SUMF1: variants seen among roughly 807,000 people sequenced by gnomAD.
The protein encoded by SUMF1 is sulfatase modifying factor 1, also known as formylglycine-generating enzyme.
A neutral mutation model predicts 47.6 loss-of-function variants in SUMF1; 48 were observed. The observed-to-expected ratio is 1.01, with a 90% CI of 0.80 to 1.28. The LOEUF (loss-of-function observed/expected upper bound fraction) is 1.28, where lower values mean the gene tolerates loss of function less well. Ranked by LOEUF, SUMF1 falls within the 50% of genes most tolerant of loss-of-function variation. SUMF1 has a pLI of 0.00. For synonymous variants in SUMF1, 230 were observed against 192.1 expected, an observed-to-expected ratio of 1.20 and a Z score of -1.63; for missense variants, 571 against 485.4, an observed-to-expected ratio of 1.18 and a Z score of -1.66.
chr3:4,348,063 G>A (rs1305081971), intron 8 of SUMF1, among the ~76,000 whole-genome samples: 2 of 152,148 alleles, frequency 1.3e-5, no homozygotes, highest in East Asian at 1.9e-4. Context: ...CCATCCTCAT[G>A]GATGGGAAGA....
At chr3:4,178,838 C>T (rs1384458301) in intron 8 of SUMF1, among the ~76,000 whole-genome samples, 1 of 152,166 alleles carries the variant, frequency 6.6e-6, no homozygotes, top group East Asian at 1.9e-4. Context: ...GCAACTTCAG[C>T]AAAGTCTCAG....
chr3:4,246,156 A>G (rs950371552), intron 8 of SUMF1, among the ~76,000 whole-genome samples: 1 of 152,144 alleles, frequency 6.6e-6, no homozygotes, highest in African/African-American at 2.4e-5. Context: ...TCCCCCAGTT[A>G]CAGTCACTCA....
chr3:4,097,414 G>C (rs7630945), intron 8 of SUMF1, among the ~76,000 whole-genome samples: 5 of 152,044 alleles, frequency 3.3e-5, no homozygotes, highest in South Asian at 2.1e-4. Flanking sequence ...TTAGCCAGGC[G>C]TGGGGGCAGG....
At position 4,045,949 on chromosome 3, in the gene SUMF1, G is replaced by T. The variant is rs116034071; in HGVS notation, c.1191+22620C>A. On this transcript the variant is annotated intron_variant and NMD_transcript_variant, in intron 9 of 12. Transcript: ENST00000448413. ...GCCTATAATTCCAGTGACTCAGAAG[G>T]CTGAGGCAAGAGGATTGCTTGAGGC... Among the ~76,000 whole-genome samples, 1,331 of 152,258 alleles carry T rather than the reference G, an allele frequency of 8.7e-3. 22 individuals carry two copies. Among genetic ancestry groups the T allele is most frequent in the African/African-American group, 0.03 (1,265 of 41,544 alleles).
At chr3:4,271,755 G>C (rs923184109) in intron 8 of SUMF1, among the ~76,000 whole-genome samples, 1 of 152,048 alleles carries the variant, frequency 6.6e-6, no homozygotes, top group Admixed American at 6.6e-5. Flanking sequence ...TCCTACCTTG[G>C]TCTCCCAAAG....
chr3:4,260,582 T>C (rs946650596), intron 8 of SUMF1, among the ~76,000 whole-genome samples: 2 of 152,028 alleles, frequency 1.3e-5, no homozygotes, highest in Non-Finnish European at 2.9e-5. Flanking sequence ...GTAGAAGAAT[T>C]CTGAACAGAT....
chr3:4,106,382 G>C (rs1483058926), intron 8 of SUMF1, among the ~76,000 whole-genome samples: 1 of 151,944 alleles, frequency 6.6e-6, no homozygotes, highest in African/African-American at 2.4e-5. Context: ...CCATAAACCA[G>C]GCACCTTGCA....
intron 8 of SUMF1, among the ~76,000 whole-genome samples, chr3:4,113,945 C>T (rs1406379295): frequency 6.6e-6 from 1 of 151,952 alleles, no homozygotes; most frequent in Admixed American, 6.6e-5. Flanking sequence ...AACAACATAT[C>T]CTATATAGAA....
At chr3:4,367,039 G>A (rs1321672849) in intron 8 of SUMF1, among the ~76,000 whole-genome samples, 1 of 152,142 alleles carries the variant, frequency 6.6e-6, no homozygotes, top group Non-Finnish European at 1.5e-5. Context: ...GCAGATTTTT[G>A]TGAACCGCGA....
At chr3:4,383,882 A>C (rs1700587252) in intron 7 of SUMF1, among the ~76,000 whole-genome samples, 1 of 152,156 alleles carries the variant, frequency 6.6e-6, no homozygotes, top group Non-Finnish European at 1.5e-5. Context: ...TGAGCTTGCA[A>C]ACAGAATAAA....
rs367702592 is a variant in SUMF1, at chr3:4,453,055, A to G, written c.271-6T>C. The G allele has an allele frequency of 6.2e-6, 10 of 1,610,852 alleles. No individual in the cohort carries two copies. The highest frequency in any genetic ancestry group is 7.6e-6 in the Non-Finnish European group (9 of 1,179,200). ...CCAGCAGGGATGGGGACCATCTACA[A>G]TGAAAGGTGAAACACAGGAAGTCAT... is the stretch of plus-strand genomic sequence containing the variant. On this transcript the variant is annotated splice_region_variant and splice_polypyrimidine_tract_variant and intron_variant, in intron 1 of 8. Transcript: ENST00000272902.
chr3:4,366,081 G>A (rs1699944591), intron 8 of SUMF1, among the ~76,000 whole-genome samples: 1 of 151,802 alleles, frequency 6.6e-6, no homozygotes, highest in Admixed American at 6.6e-5. Context: ...TCTGCCGAGA[G>A]ATCCGCTGTT....
At chr3:4,462,627 C>G (rs1051696991) in intron 1 of SUMF1, among the ~76,000 whole-genome samples, 2 of 152,158 alleles carry the variant, frequency 1.3e-5, no homozygotes, top group African/African-American at 4.8e-5. Context: ...GTAACTTCTC[C>G]TTTTCCTTCT....
intron 8 of SUMF1, among the ~76,000 whole-genome samples, chr3:4,118,586 G>T (rs1379317668): frequency 6.6e-6 from 1 of 152,002 alleles, no homozygotes; most frequent in East Asian, 1.9e-4. Flanking sequence ...TATACTTATT[G>T]TATCCACTTT....
intron 8 of SUMF1, among the ~76,000 whole-genome samples, chr3:4,330,997 G>T (rs1415270763): frequency 6.6e-6 from 1 of 152,070 alleles, no homozygotes; most frequent in Admixed American, 6.6e-5. Context: ...ATGTGCTTTT[G>T]ATATTAATAT....
chr3:4,432,709 C>T lies in SUMF1; in HGVS notation c.520-12563G>A, dbSNP rs990765063. On this transcript the variant is annotated intron_variant, in intron 3 of 8. Coordinates refer to ENST00000272902, the MANE Select transcript of SUMF1 (RefSeq NM_182760.4). ...ATCCATTATTCTGTTTTATTTGAAT[C>T]GCAGTCCGTCATCACAGTCAGTTAT... Among the ~76,000 whole-genome samples, 8 of 152,170 alleles carry T rather than the reference C, an allele frequency of 5.3e-5. No homozygotes were observed. In the South Asian group the frequency reaches 8.3e-4, roughly 16 times the overall value.
intron 8 of SUMF1, among the ~76,000 whole-genome samples, chr3:4,180,752 C>G (rs116456814): frequency 0.01 from 1,445 of 140,400 alleles, 20 homozygotes; most frequent in African/African-American, 0.037. Context: ...ATTTGGGAGG[C>G]TGAGGTGGAA....
chr3:4,441,422 T>C (rs1702583605), intron 3 of SUMF1, among the ~76,000 whole-genome samples: 1 of 152,158 alleles, frequency 6.6e-6, no homozygotes, highest in East Asian at 1.9e-4. Flanking sequence ...ATAATATAAA[T>C]AAAGTACACA....
intron 8 of SUMF1, among the ~76,000 whole-genome samples, chr3:4,116,323 G>A (rs1246896196): frequency 6.6e-6 from 1 of 152,118 alleles, no homozygotes. Context: ...TAAGAACAAT[G>A]ATTATTATTC....
Sources: allele counts gnomAD v4.1 joint callset (sites outside exome capture counted in the v4.1 genomes callset), GRCh38; gene constraint gnomAD v4.1.1; transcripts MANE v1.5; gene names NCBI Gene and HGNC (gene_info 2026-07-23, HGNC 2026-07-21).